The following EFR3A variants were observed in gnomAD, a reference collection of about 807,000 sequenced individuals.
EFR3A encodes EFR3 homolog A, also known as protein EFR3 homolog A.
EFR3A carries 76 observed loss-of-function variants against 104.4 expected under a neutral mutation model. The observed-to-expected ratio is 0.73, with a 90% CI of 0.60 to 0.88. EFR3A has a LOEUF of 0.88. EFR3A is among the 40% of genes least tolerant of loss of function. The probability of loss-of-function intolerance (pLI) is 0.00; values close to 1 mark genes in which losing one functional copy is unlikely to be tolerated. For missense variants in EFR3A, 985 were observed against 1,012.5 expected (o/e 0.97, Z 0.37); for synonymous variants, 330 against 330.0 (o/e 1.00, Z 0.00).
chr8:131,974,975 A>G lies in EFR3A; in HGVS notation c.1160-1052A>G, dbSNP rs570395038. ...CATTGAATTTTAAGAAAGGAACATA[A>G]CAGCCATGATTTGATAGTCTGTTCC... On this transcript the variant is annotated intron_variant, in intron 10 of 22. Coordinates refer to ENST00000254624, the MANE Select transcript of EFR3A (RefSeq NM_015137.6). 4.4e-4 allele frequency among the ~76,000 whole-genome samples: 67 copies of G among 152,342 alleles called. 1 individual carries two copies. Among genetic ancestry groups the G allele is most frequent in the South Asian group, 2.7e-3 (13 of 4,826 alleles).
rs538040346 is a variant in EFR3A at position 131,956,422 on chromosome 8, A to G, written c.776+517A>G. ...TTTCATGCTCTCCTCCAGGCAAAAT[A>G]TGTTAATGAGCTTTGAGTTTCTCCA... is the stretch of plus-strand genomic sequence containing the variant. On this transcript the variant is annotated intron_variant, in intron 7 of 22. Coordinates refer to ENST00000254624, the MANE Select transcript of EFR3A (RefSeq NM_015137.6). Among the ~76,000 whole-genome samples the G allele has an allele frequency of 1.8e-3, 280 of 152,324 alleles. 2 individuals carry two copies. Among genetic ancestry groups the G allele is most frequent in the African/African-American group, 6.5e-3 (272 of 41,580 alleles).
At chr8:131,987,820 C>G (rs1820969167) in intron 18 of EFR3A, 118 bp downstream of exon 18, 1 of 1,086,788 alleles carries the variant, frequency 9.2e-7, no homozygotes, top group Non-Finnish European at 1.3e-6. Context: ...ATAGCCCAGC[C>G]ATTTTCAAAT....
At chr8:131,919,369 G>A (rs549472381) in intron 1 of EFR3A, among the ~76,000 whole-genome samples, 18 of 152,054 alleles carry the variant, frequency 1.2e-4, no homozygotes, top group African/African-American at 4.1e-4. Flanking sequence ...CGGTCGAGGC[G>A]GGTGGATCAC....
chr8:131,987,538 TA>T (rs779473525), intron 17 of EFR3A, 36 bp from the exon 18 acceptor site: 1 of 1,558,886 alleles, frequency 6.4e-7, no homozygotes, highest in Non-Finnish European at 8.7e-7. Flanking sequence ...CTCAGTAATT[TA>T]ATACTGAATG....
At chr8:131,983,637 G>A (rs1274073753) in intron 14 of EFR3A, among the ~76,000 whole-genome samples, 1 of 151,976 alleles carries the variant, frequency 6.6e-6, no homozygotes, top group East Asian at 1.9e-4. Flanking sequence ...CTCGCCTTCA[G>A]GGACTCCATG....
chr8:131,971,343 C>T (rs1483063993), intron 10 of EFR3A, among the ~76,000 whole-genome samples: 1 of 152,092 alleles, frequency 6.6e-6, no homozygotes, highest in Admixed American at 6.5e-5. Context: ...GTAAAGTCCC[C>T]CTCCCACTTT....
At chr8:131,993,186 A>G (rs1821287527) in intron 18 of EFR3A, among the ~76,000 whole-genome samples, 1 of 152,152 alleles carries the variant, frequency 6.6e-6, no homozygotes, top group Non-Finnish European at 1.5e-5. Flanking sequence ...AGGTTAAGAA[A>G]CCCTAGCTAG....
At chr8:131,920,325 A>G (rs1187827915) in intron 1 of EFR3A, among the ~76,000 whole-genome samples, 1 of 152,154 alleles carries the variant, frequency 6.6e-6, no homozygotes, top group Non-Finnish European at 1.5e-5. Flanking sequence ...TGTAGCAAGG[A>G]TGGCAAAGTC....
intron 8 of EFR3A, among the ~76,000 whole-genome samples, chr8:131,962,578 A>C: frequency 6.6e-6 from 1 of 152,212 alleles, no homozygotes; most frequent in Non-Finnish European, 1.5e-5. Context: ...TAGAGACTAG[A>C]AAGAGACGTA....
intron 1 of EFR3A, among the ~76,000 whole-genome samples, chr8:131,931,957 A>C (rs1322939041): frequency 6.6e-6 from 1 of 152,116 alleles, no homozygotes; most frequent in Non-Finnish European, 1.5e-5. Context: ...TAGGATGGTC[A>C]AAGTTTATGC....
At chr8:131,955,726 T>C (rs139434322) in intron 6 of EFR3A, 42 bp from the exon 7 acceptor site, 7 of 1,582,756 alleles carry the variant, frequency 4.4e-6, no homozygotes, top group Non-Finnish European at 5.1e-6. Context: ...AGAACTGATA[T>C]TAAAATTCTT....
At chr8:132,001,104 CTT>C (rs1821761673) in intron 19 of EFR3A, 1 of 152,164 alleles carries the variant, frequency 6.6e-6, no homozygotes, top group Non-Finnish European at 1.5e-5. Flanking sequence ...GTATTACTGA[CTT>C]TTATCATAAA....
intron 7 of EFR3A, among the ~76,000 whole-genome samples, chr8:131,959,196 A>C (rs1245220452): frequency 6.6e-6 from 1 of 152,180 alleles, no homozygotes; most frequent in African/African-American, 2.4e-5. Context: ...TAGATCTGGC[A>C]ATCTGTGAAT....
intron 14 of EFR3A, among the ~76,000 whole-genome samples, chr8:131,980,841 T>C (rs1820572583): frequency 6.6e-6 from 1 of 152,088 alleles, no homozygotes; most frequent in Admixed American, 6.6e-5. Flanking sequence ...GCCCCAGCTC[T>C]TGCTAACCAC....
chr8:131,946,942 C>G (rs1443162997), intron 4 of EFR3A, among the ~76,000 whole-genome samples: 1 of 151,920 alleles, frequency 6.6e-6, no homozygotes, highest in Non-Finnish European at 1.5e-5. Flanking sequence ...AGTTTCATGC[C>G]TTTTCATTAA....
intron 10 of EFR3A, among the ~76,000 whole-genome samples, chr8:131,973,290 A>G (rs1297976466): frequency 6.6e-6 from 1 of 151,954 alleles, no homozygotes; most frequent in Non-Finnish European, 1.5e-5. Context: ...TGACTTTCAC[A>G]TTTATTTCGG....
At chr8:131,945,075 G>C (rs1818367465) in intron 3 of EFR3A, among the ~76,000 whole-genome samples, 1 of 151,972 alleles carries the variant, frequency 6.6e-6, no homozygotes, top group African/African-American at 2.4e-5. Context: ...GGTTTTGTGA[G>C]TAGACTATGT....
At chr8:131,964,441 G>A (rs890882906) in intron 8 of EFR3A, among the ~76,000 whole-genome samples, 5 of 151,190 alleles carry the variant, frequency 3.3e-5, no homozygotes, top group Non-Finnish European at 5.9e-5. Flanking sequence ...GACAAACAGA[G>A]AGCCAAATCA....
Position 131,960,853 on chromosome 8 carries a change from A to G in EFR3A, c.855+1190A>G, listed in dbSNP as rs571160106. Reference sequence around the variant, plus strand: ...ACTCTGGGATCAGACAGAGTTCACTATTAGGCTCTTCCTTAAGAGTTTCTG... The same window carrying G: ...ACTCTGGGATCAGACAGAGTTCACTGTTAGGCTCTTCCTTAAGAGTTTCTG... On this transcript the variant is annotated intron_variant, in intron 8 of 22. Transcript: ENST00000254624. 5.3e-5 allele frequency among the ~76,000 whole-genome samples: 8 copies of G among 152,286 alleles called. No homozygotes were observed. In the East Asian group the frequency reaches 1.4e-3, roughly 26 times the overall value.
Sources: gnomAD v4.1 joint callset for allele counts (sites outside exome capture counted in the v4.1 genomes callset) on GRCh38, gnomAD v4.1.1 for gene constraint, MANE v1.5 for transcripts, NCBI Gene and HGNC (gene_info 2026-07-23, HGNC 2026-07-21) for gene names.